The following AFF1 variants were observed in gnomAD, a reference collection of about 807,000 sequenced individuals.
AFF1 encodes AF4/FMR2 family member 1.
In AFF1, 48 loss-of-function variants were observed where a neutral mutation model predicts 121.7. The ratio of observed to expected loss-of-function variants is 0.39; its 90% CI spans 0.31 to 0.50. The LOEUF (loss-of-function observed/expected upper bound fraction) is 0.50, where lower values mean the gene tolerates loss of function less well. AFF1 is among the 20% of genes least tolerant of loss of function. The pLI is 0.76. For missense variants in AFF1, 1,523 were observed against 1,511.7 expected, an observed-to-expected ratio of 1.01 and a Z score of -0.12; for synonymous variants, 613 against 563.0, an observed-to-expected ratio of 1.09 and a Z score of -1.26.
At chr4:87,110,040 T>G (rs1227741529) in intron 11 of AFF1, among the ~76,000 whole-genome samples, 2 of 152,228 alleles carry the variant, frequency 1.3e-5, no homozygotes, top group African/African-American at 2.4e-5. Flanking sequence ...ATTTCTGGTG[T>G]TGTTTCAGAG....
intron 2 of AFF1, among the ~76,000 whole-genome samples, chr4:86,969,032 T>G (rs1468654360): frequency 1.3e-5 from 2 of 152,198 alleles, no homozygotes; most frequent in Non-Finnish European, 2.9e-5. Flanking sequence ...TTGTGTTCAT[T>G]GGTCTTAGGT....
chr4:87,012,573 AAGT>A (rs1726887106), intron 2 of AFF1, among the ~76,000 whole-genome samples: 2 of 152,166 alleles, frequency 1.3e-5, no homozygotes, highest in Admixed American at 6.5e-5. Flanking sequence ...GGGGGAGCTG[AAGT>A]AGTATTTTCT....
intron 20 of AFF1, 58 bp downstream of exon 20, chr4:87,134,752 C>CCAATGTTT: frequency 7.2e-7 from 1 of 1,396,648 alleles, no homozygotes; most frequent in Non-Finnish European, 1.0e-6. Context: ...GAGGAATAAA[C>CCAATGTTT]ATTGGTTTAT....
At chr4:87,051,245 G>T (rs947029904) in intron 4 of AFF1, among the ~76,000 whole-genome samples, 1 of 152,144 alleles carries the variant, frequency 6.6e-6, no homozygotes, top group Non-Finnish European at 1.5e-5. Flanking sequence ...CTGTTTGGTG[G>T]CAGCATTGGT....
intron 2 of AFF1, among the ~76,000 whole-genome samples, chr4:87,000,404 A>G (rs1725597373): frequency 6.6e-6 from 1 of 152,230 alleles, no homozygotes; most frequent in African/African-American, 2.4e-5. Flanking sequence ...GATGTCATTG[A>G]TGGAAAAAGT....
rs147748445 is a variant in AFF1, at chr4:87,024,634, C to T, written c.39-21532C>T. Among the ~76,000 whole-genome samples the T allele has an allele frequency of 4.9e-3, 751 of 152,148 alleles. 5 individuals are homozygous for T. Among genetic ancestry groups the T allele is most frequent in the African/African-American group, 0.017 (710 of 41,480 alleles). On this transcript the variant is annotated intron_variant, in intron 2 of 20. Transcript: ENST00000395146. ...TGAGTCAGAGTCTTGTTCTGTCTTC[C>T]GAGGCTGGAGTACAGTGGCGCTATC...
chr4:86,949,196 A>T (rs1284269271), intron 2 of AFF1, among the ~76,000 whole-genome samples: 1 of 143,542 alleles, frequency 7.0e-6, no homozygotes, highest in Non-Finnish European at 1.5e-5. Context: ...TTTTTTTGAG[A>T]TGGAGTCTCA....
rs573888164 is a variant in AFF1 at position 87,132,543 on chromosome 4, G to A, written c.3311+135G>A. The A allele has an allele frequency of 2.4e-5, 18 of 748,656 alleles. No individual in the cohort carries two copies. The South Asian group carries it at 5.5e-4, about 23-fold the overall frequency. 46.4% of individuals were successfully genotyped at this position (748,656 alleles called of 1,614,324 possible). ...AATTGTTGGCTTCATCTGTTTGCTG[G>A]TTGCTCCTAAATTTAAATTATTAGC... On this transcript the variant is annotated intron_variant, in intron 19 of 20. Transcript: ENST00000395146.
chr4:87,006,577 T>C (rs1726140078), intron 2 of AFF1, among the ~76,000 whole-genome samples: 1 of 152,174 alleles, frequency 6.6e-6, no homozygotes, highest in Non-Finnish European at 1.5e-5. Flanking sequence ...AGTATGCCCG[T>C]TTCTTGAGCT....
In AFF1 at chr4:87,139,313, G is replaced by A. The variant is rs190119988; in HGVS notation, c.*3612G>A. On this transcript the variant is annotated 3_prime_UTR_variant, in exon 21 of 21. Coordinates refer to ENST00000395146, the MANE Select transcript of AFF1 (RefSeq NM_001166693.3). ...ATTTGTGCATCTTAAAGTAGGTTGA[G>A]GCTTGAGGCTGGGCTTTCGGGTTTT... The A allele has an allele frequency of 1.7e-5, 4 of 233,022 alleles. No homozygotes were observed. The highest frequency in any genetic ancestry group is 8.8e-5 in the African/African-American group (4 of 45,432). 14.4% of individuals were successfully genotyped at this position (233,022 alleles called of 1,614,324 possible).
chr4:87,122,796 G>A (rs1426801567), intron 12 of AFF1, among the ~76,000 whole-genome samples: 1 of 126,890 alleles, frequency 7.9e-6, no homozygotes, highest in Admixed American at 9.6e-5. Flanking sequence ...CTGTCAAGTA[G>A]AAATAGAATA....
At chr4:87,038,679 G>T (rs981287796) in intron 2 of AFF1, among the ~76,000 whole-genome samples, 36 of 152,270 alleles carry the variant, frequency 2.4e-4, no homozygotes, top group African/African-American at 8.4e-4. Flanking sequence ...GTGTTTATTT[G>T]TTGCTCTATC....
At chr4:86,972,980 A>G (rs566327908) in intron 2 of AFF1, among the ~76,000 whole-genome samples, 1 of 152,314 alleles carries the variant, frequency 6.6e-6, no homozygotes, top group East Asian at 1.9e-4. Context: ...TAGCCCTAGA[A>G]GAGGGATTGA....
chr4:87,076,385 G>A (rs1018486766), intron 4 of AFF1, among the ~76,000 whole-genome samples: 7 of 152,250 alleles, frequency 4.6e-5, no homozygotes, highest in Middle Eastern at 6.8e-3. Context: ...GCAGTTTGAC[G>A]TTAAAAAGAG....
intron 4 of AFF1, among the ~76,000 whole-genome samples, chr4:87,068,214 A>G (rs1239252106): frequency 1.5e-5 from 2 of 132,514 alleles, no homozygotes; most frequent in Non-Finnish European, 3.3e-5. Context: ...GTGTATTGTT[A>G]TTTTTGTTCC....
chr4:87,055,756 G>T (rs773700358), intron 4 of AFF1, among the ~76,000 whole-genome samples: 1 of 152,136 alleles, frequency 6.6e-6, no homozygotes, highest in South Asian at 2.1e-4. Flanking sequence ...TTTGGTGGGG[G>T]TGACCAACAC....
At chr4:86,949,539 T>A (rs1721130812) in intron 2 of AFF1, 1 of 142,960 alleles carries the variant, frequency 7.0e-6, no homozygotes, top group African/African-American at 5.4e-5. Flanking sequence ...TTATTATTAT[T>A]TTTTTTTTTT....
At position 87,138,791 on chromosome 4, in the gene AFF1, A is replaced by G. The variant is rs1367768760; in HGVS notation, c.*3090A>G. The stretch of plus-strand genomic sequence containing the variant: ...TCTGATATTATGATTTGATTACAAT[A>G]CTGAATGGGAAAAGTATCTAATATT... On this transcript the variant is annotated 3_prime_UTR_variant, in exon 21 of 21. Coordinates refer to ENST00000395146, the MANE Select transcript of AFF1 (RefSeq NM_001166693.3). The G allele has an allele frequency of 4.4e-6, 1 of 229,842 alleles. No individual in the cohort carries two copies. Among genetic ancestry groups the G allele is most frequent in the Non-Finnish European group, 8.6e-6 (1 of 116,014 alleles). 14.2% of individuals were successfully genotyped at this position (229,842 alleles called of 1,614,324 possible).
intron 12 of AFF1, among the ~76,000 whole-genome samples, chr4:87,118,368 A>G (rs1387491628): frequency 6.6e-6 from 1 of 152,336 alleles, no homozygotes; most frequent in South Asian, 2.1e-4. Flanking sequence ...AAGTAGAGAA[A>G]ACTGTGAGGG....
Sources: allele counts gnomAD v4.1 joint callset (sites outside exome capture counted in the v4.1 genomes callset), GRCh38; gene constraint gnomAD v4.1.1; transcripts MANE v1.5; gene names NCBI Gene and HGNC (gene_info 2026-07-23, HGNC 2026-07-21).